The following NUP210 variants were observed in gnomAD, a reference collection of about 807,000 sequenced individuals.
NUP210 encodes the protein nuclear pore membrane glycoprotein 210.
Under a neutral mutation model 196.0 loss-of-function variants are expected in NUP210, and 151 were observed. The ratio of observed to expected loss-of-function variants is 0.77; its 90% CI spans 0.67 to 0.88. The LOEUF (loss-of-function observed/expected upper bound fraction) is 0.88, where lower values mean the gene tolerates loss of function less well. Ranked by LOEUF, NUP210 falls within the 40% of genes least tolerant of loss-of-function variation. The pLI is 0.00. For synonymous variants in NUP210, 1,070 were observed against 1,052.7 expected, an observed-to-expected ratio of 1.02 and a Z score of -0.32; for missense variants, 2,314 against 2,493.7, an observed-to-expected ratio of 0.93 and a Z score of 1.53.
At chr3:13,341,209 C>G (rs1375380517) in intron 23 of NUP210, 2 of 152,826 alleles carry the variant, frequency 1.3e-5, no homozygotes, top group African/African-American at 4.8e-5. Context: ...TAACCTAATG[C>G]CCCGAGACAG....
chr3:13,318,492 G>T (rs1696366419), intron 39 of NUP210, among the ~76,000 whole-genome samples: 1 of 152,170 alleles, frequency 6.6e-6, no homozygotes, highest in African/African-American at 2.4e-5. Context: ...GACTCTTTGT[G>T]TAGGGGAGAG....
chr3:13,413,108 T>C (rs1700230580), intron 1 of NUP210, among the ~76,000 whole-genome samples: 1 of 151,494 alleles, frequency 6.6e-6, no homozygotes, highest in Non-Finnish European at 1.5e-5. Flanking sequence ...CTACTAAAAA[T>C]ACTAAAATTA....
chr3:13,406,481 G>C (rs905775979), intron 1 of NUP210, among the ~76,000 whole-genome samples: 1 of 152,094 alleles, frequency 6.6e-6, no homozygotes, highest in Non-Finnish European at 1.5e-5. Context: ...ACTCAAAACC[G>C]GGTCTGGAGA....
intron 4 of NUP210, among the ~76,000 whole-genome samples, 153 bp downstream of exon 4, chr3:13,391,058 C>T (rs1021069041): frequency 1.3e-5 from 2 of 152,182 alleles, no homozygotes; most frequent in Non-Finnish European, 2.9e-5. Flanking sequence ...GATCCCATTC[C>T]TCAATCAGAC....
In NUP210 at chr3:13,378,707, G is replaced by A. The variant is rs950029541; in HGVS notation, c.1045+205C>T. Among the ~76,000 whole-genome samples, 6 of 152,208 alleles carry A rather than the reference G, an allele frequency of 3.9e-5. No homozygotes were observed. The East Asian group carries it at 7.7e-4, about 20-fold the overall frequency. On this transcript the variant is annotated intron_variant, in intron 8 of 39. Transcript: ENST00000254508. ...TGTTTCTCTCCTTGCTGAGCCTGCC[G>A]CCTGCCTGGCTTGGCTCATTCTACC...
chr3:13,361,608 C>T (rs565214946), intron 14 of NUP210, among the ~76,000 whole-genome samples: 4 of 152,230 alleles, frequency 2.6e-5, no homozygotes, highest in African/African-American at 7.2e-5. Flanking sequence ...CTGGGCTAAC[C>T]TCCCACTGCA....
chr3:13,319,155 G>A lies in NUP210; in HGVS notation c.5480C>T (p.Ala1827Val), dbSNP rs759514663. ...CCGGGGCGTGCAGACAGTGTGGTAG[G>A]CTGCAAGAGCACAGGGTTGGTTAGA... is the stretch of plus-strand genomic sequence containing the variant. ...LLAGTAVMII[A>V]YHTVCTPRDL... is the part of the protein sequence containing the mutation. Residue 1827 changes from alanine to valine, a missense_variant and splice_region_variant, in exon 39 of 40, where the codon GCC becomes GTC. By Grantham distance (64) the Ala-to-Val change is moderately conservative. Coordinates refer to ENST00000254508, the MANE Select transcript of NUP210 (RefSeq NM_024923.4). 1 of 1,611,062 alleles carries A rather than the reference G, an allele frequency of 6.2e-7. No individual in the cohort carries two copies.
rs569525173 is a variant in NUP210 at position 13,341,836 on chromosome 3, C to T, written c.3140G>A (p.Arg1047His). 4.0e-5 allele frequency: 64 copies of T among 1,614,166 alleles called. No homozygotes were observed. Among genetic ancestry groups the T allele is most frequent in the South Asian group, 3.8e-4 (35 of 91,084 alleles). ...LDNYTITFLI[R>H]GVAIGQTSLT... is the part of the protein sequence containing the mutation. The stretch of plus-strand genomic sequence containing the variant: ...ACTGGTCTGGCCGATGGCCACACCG[C>T]GGATGAGGAATGTGATGGTGTAGTT... Residue 1047 changes from arginine (R) to histidine (H), a missense_variant, in exon 23 of 40, where the codon CGC (arginine) becomes CAC (histidine). By Grantham distance (29) the Arg-to-His change is conservative (BLOSUM62 0). Transcript: ENST00000254508.
chr3:13,364,964 G>A (rs1698482450), intron 14 of NUP210, among the ~76,000 whole-genome samples: 1 of 152,194 alleles, frequency 6.6e-6, no homozygotes, highest in Non-Finnish European at 1.5e-5. Flanking sequence ...CTGACACTGG[G>A]AGCAGAAAAA....
At chr3:13,358,801 T>C (rs1306684326) in intron 15 of NUP210, among the ~76,000 whole-genome samples, 1 of 152,216 alleles carries the variant, frequency 6.6e-6, no homozygotes, top group African/African-American at 2.4e-5. Flanking sequence ...AAGTGCATGC[T>C]GCAGAATGAT....
intron 15 of NUP210, among the ~76,000 whole-genome samples, chr3:13,359,489 C>T (rs912198875): frequency 8.5e-5 from 13 of 152,262 alleles, no homozygotes; most frequent in Middle Eastern, 3.4e-3. Context: ...ATAAGGGCAC[C>T]GTGGGAGGCA....
At chr3:13,329,037 C>A in intron 30 of NUP210, 91 bp from the exon 31 acceptor site, 2 of 1,091,794 alleles carry the variant, frequency 1.8e-6, no homozygotes, top group Non-Finnish European at 2.7e-6. Flanking sequence ...CACCTGCCCC[C>A]AGCAGGATCC....
chr3:13,406,594 G>A (rs73132598), intron 1 of NUP210, among the ~76,000 whole-genome samples: 34,199 of 152,082 alleles, frequency 0.22, 6,107 homozygotes, highest in African/African-American at 0.5. Flanking sequence ...GCCACCCACC[G>A]AAGCCAGGTC....
chr3:13,339,744 C>T, intron 25 of NUP210, 110 bp downstream of exon 25: 1 of 1,010,526 alleles, frequency 9.9e-7, no homozygotes. Flanking sequence ...ACCCAGGGGG[C>T]AGAAGCAGCA....
Position 13,377,465 on chromosome 3 carries a change from A to G in NUP210, c.1143T>C (p.Tyr381=), listed in dbSNP as rs147971014. ...EVFDKFSNKV[Y]VSDNIRIETV... ...CTGAACAGGCACTCACGTCAGATACATAGACCTTGTTGCTGAACTTGTCAA... is the reference window on the plus strand; with the variant it reads ...CTGAACAGGCACTCACGTCAGATACGTAGACCTTGTTGCTGAACTTGTCAA... Residue 381 remains tyrosine (Y), a synonymous_variant, in exon 9 of 40, where the codon TAT becomes TAC. Transcript: ENST00000254508. 489 of 1,612,472 alleles carry G rather than the reference A, an allele frequency of 3.0e-4. No homozygotes were observed. Among genetic ancestry groups the G allele is most frequent in the Non-Finnish European group, 4.0e-4 (472 of 1,178,740 alleles).
rs2124916948 is a variant in NUP210 at position 13,376,390 on chromosome 3, C to T, written c.1194G>A (p.Glu398=). Residue 398 remains glutamate (E), a synonymous_variant, in exon 10 of 40, where the codon GAG becomes GAA. Coordinates refer to ENST00000254508, the MANE Select transcript of NUP210 (RefSeq NM_024923.4). Reference sequence around the variant, plus strand: ...ACCCATTCTGGGAGGACGAGAGCACCTCGAAGAACTCAGCAGGAAGCACAG... The same window carrying T: ...ACCCATTCTGGGAGGACGAGAGCACTTCGAAGAACTCAGCAGGAAGCACAG... The part of the protein sequence containing the change: ...IETVLPAEFF[E]VLSSSQNGSY... 6.2e-7 allele frequency: 1 copy of T among 1,614,206 alleles called. No homozygotes were observed. The highest frequency in any genetic ancestry group is 1.6e-4 in the Middle Eastern group (1 of 6,062).
intron 16 of NUP210, among the ~76,000 whole-genome samples, chr3:13,357,541 C>A (rs184039207): frequency 6.6e-6 from 1 of 152,316 alleles, no homozygotes. Flanking sequence ...GAGTGAGGAG[C>A]TGCTCACCCA....
chr3:13,357,971 C>T (rs188432565), intron 16 of NUP210, among the ~76,000 whole-genome samples: 54 of 152,330 alleles, frequency 3.5e-4, no homozygotes, highest in Admixed American at 2.6e-3. Context: ...TGGAAGAGGA[C>T]TCTATCTTCA....
At chr3:13,370,088 C>T (rs1041463285) in intron 13 of NUP210, among the ~76,000 whole-genome samples, 1 of 152,148 alleles carries the variant, frequency 6.6e-6, no homozygotes, top group Non-Finnish European at 1.5e-5. Context: ...ACCTGCTGAT[C>T]CAACCTGCTC....
Sources: allele counts gnomAD v4.1 joint callset (sites outside exome capture counted in the v4.1 genomes callset), GRCh38; gene constraint gnomAD v4.1.1; transcripts MANE v1.5; gene names NCBI Gene and HGNC (gene_info 2026-07-23, HGNC 2026-07-21).